Variants in PRORP observed in about 807,000 individuals in gnomAD.
PRORP encodes the protein mitochondrial ribonuclease P catalytic subunit.
A neutral mutation model predicts 59.4 loss-of-function variants in PRORP; 51 were observed. The ratio of observed to expected loss-of-function variants is 0.86; its 90% confidence interval spans 0.69 to 1.08. PRORP has a LOEUF of 1.08. Ranked by LOEUF, PRORP falls within the 50% of genes least tolerant of loss-of-function variation. PRORP has a pLI of 0.00. For synonymous variants in PRORP, 231 were observed against 245.6 expected (o/e 0.94, Z 0.55); for missense variants, 646 against 690.3 (o/e 0.94, Z 0.72).
At chr14:35,125,769 C>G (rs1201383529) in intron 2 of PRORP, among the ~76,000 whole-genome samples, 1 of 152,192 alleles carries the variant, frequency 6.6e-6, no homozygotes, top group Admixed American at 6.5e-5. Context: ...CGCCTGTAAT[C>G]TGAGCACTTT....
intron 5 of PRORP, among the ~76,000 whole-genome samples, chr14:35,239,812 T>C (rs749939538): frequency 2.0e-5 from 3 of 152,186 alleles, no homozygotes; most frequent in Non-Finnish European, 4.4e-5. Flanking sequence ...CGGTGCCCCA[T>C]GCTTGTAATC....
Position 35,136,376 on chromosome 14 carries a change from T to C in PRORP, c.1167+8765T>C, listed in dbSNP as rs186934052. Among the ~76,000 whole-genome samples the C allele has an allele frequency of 1.0e-3, 156 of 152,060 alleles. 1 individual carries two copies. Among genetic ancestry groups the C allele is most frequent in the African/African-American group, 3.6e-3 (148 of 41,518 alleles). ...TATCCGACAACGGGTTTTTTTGTTT[T>C]TTTGGTTTTTTTTTTGAAACAGAGT... On this transcript the variant is annotated intron_variant, in intron 4 of 7. Coordinates refer to ENST00000534898, the MANE Select transcript of PRORP (RefSeq NM_014672.4).
At chr14:35,142,071 G>A (rs2047492667) in intron 4 of PRORP, among the ~76,000 whole-genome samples, 1 of 144,848 alleles carries the variant, frequency 6.9e-6, no homozygotes, top group Non-Finnish European at 1.5e-5. Context: ...TGGAGACAGG[G>A]TTTCACCATG....
intron 5 of PRORP, among the ~76,000 whole-genome samples, chr14:35,230,929 G>A (rs2050060903): frequency 2.3e-5 from 3 of 132,416 alleles, no homozygotes; most frequent in East Asian, 2.2e-4. Context: ...TGTAAAGACA[G>A]GAAAAGAGAA....
intron 5 of PRORP, among the ~76,000 whole-genome samples, chr14:35,197,261 GT>G (rs1418530993): frequency 1.3e-5 from 2 of 152,048 alleles, no homozygotes; most frequent in Non-Finnish European, 2.9e-5. Flanking sequence ...CCATCACAGT[GT>G]TTTAAAACAC....
At chr14:35,132,453 C>T (rs2047268335) in intron 4 of PRORP, among the ~76,000 whole-genome samples, 2 of 148,364 alleles carry the variant, frequency 1.3e-5, no homozygotes, top group Non-Finnish European at 3.0e-5. Context: ...AGCAAATCTC[C>T]ATCTCAAAAA....
chr14:35,156,412 C>T (rs943946027), intron 4 of PRORP, among the ~76,000 whole-genome samples: 28 of 152,176 alleles, frequency 1.8e-4, no homozygotes, highest in African/African-American at 9.7e-5. Context: ...ATTGAGCTAC[C>T]TACAGGGCTA....
rs376704450 is a variant in PRORP at position 35,123,284 on chromosome 14, G to C, written c.39G>C (p.Lys13Asn). 6.2e-7 allele frequency: 1 copy of C among 1,612,988 alleles called. No individual in the cohort carries two copies. The part of the protein sequence containing the change: ...FYLFGIRSFP[K>N]LWKSPYLGLG... ...TGTTTGGTATTCGAAGCTTTCCGAA[G>C]CTTTGGAAGAGCCCATACCTTGGGC... Residue 13 changes from lysine to asparagine, a missense_variant, in exon 2 of 8, where the codon AAG becomes AAC. Coordinates refer to ENST00000534898, the MANE Select transcript of PRORP (RefSeq NM_014672.4).
At chr14:35,165,496 T>C (rs567000820) in intron 4 of PRORP, among the ~76,000 whole-genome samples, 1 of 152,340 alleles carries the variant, frequency 6.6e-6, no homozygotes, top group East Asian at 1.9e-4. Context: ...GAATTTTTGT[T>C]TCTTAATAGC....
At chr14:35,227,219 G>A (rs1455211450) in intron 5 of PRORP, among the ~76,000 whole-genome samples, 1 of 151,646 alleles carries the variant, frequency 6.6e-6, no homozygotes, top group Non-Finnish European at 1.5e-5. Context: ...CGAGGTGGGT[G>A]GATCACGAGG....
At chr14:35,208,698 C>T (rs1595308167) in intron 5 of PRORP, among the ~76,000 whole-genome samples, 2 of 144,212 alleles carry the variant, frequency 1.4e-5, no homozygotes, top group East Asian at 2.0e-4. Context: ...GGTGAAAACC[C>T]GTCTCTACTA....
chr14:35,160,809 A>G (rs916177440), intron 4 of PRORP, among the ~76,000 whole-genome samples: 1 of 152,222 alleles, frequency 6.6e-6, no homozygotes, highest in Non-Finnish European at 1.5e-5. Context: ...GCACATTGTA[A>G]AGCATAAAGT....
intron 5 of PRORP, among the ~76,000 whole-genome samples, chr14:35,241,380 A>G (rs964647746): frequency 6.6e-6 from 1 of 151,766 alleles, no homozygotes; most frequent in Non-Finnish European, 1.5e-5. Context: ...TCCGTCTCAA[A>G]AAAAAAAAAA....
intron 5 of PRORP, among the ~76,000 whole-genome samples, chr14:35,223,371 A>G (rs2049842810): frequency 6.6e-6 from 1 of 152,090 alleles, no homozygotes; most frequent in African/African-American, 2.4e-5. Context: ...TATCACTAGA[A>G]TAGAACATAC....
chr14:35,179,962 C>G (rs1294958173), intron 4 of PRORP, among the ~76,000 whole-genome samples: 3 of 152,210 alleles, frequency 2.0e-5, no homozygotes, highest in African/African-American at 7.2e-5. Flanking sequence ...AGTCAGGACC[C>G]TCAGCTGCAG....
chr14:35,274,217 A>C lies in PRORP; in HGVS notation c.*651A>C, dbSNP rs931546443. On this transcript the variant is annotated 3_prime_UTR_variant, in exon 8 of 8. Transcript: ENST00000534898. ...GGCTGGAGTGCAGTGACGTGATCAC[A>C]GTTCACTGCAGCCTCAAACTCCCAG... The C allele has an allele frequency of 2.0e-5, 3 of 152,058 alleles. No homozygotes were observed. Among genetic ancestry groups the C allele is most frequent in the Admixed American group, 6.6e-5 (1 of 15,248 alleles). 9.4% of individuals were successfully genotyped at this position (152,058 alleles called of 1,614,324 possible). A position where few individuals can be genotyped will look rare whatever the true frequency, so the allele number is the denominator to read the frequency against.
intron 5 of PRORP, among the ~76,000 whole-genome samples, chr14:35,190,610 A>G (rs988389643): frequency 1.3e-5 from 2 of 151,806 alleles, no homozygotes; most frequent in African/African-American, 4.8e-5. Flanking sequence ...AGTTCAAGCA[A>G]TTCTCCTGCC....
intron 5 of PRORP, chr14:35,235,507 C>CA: frequency 1.7e-6 from 1 of 606,002 alleles, no homozygotes; most frequent in Non-Finnish European, 3.1e-6. Context: ...CATGTGCAGT[C>CA]ACCACCAGCT....
At position 35,124,225 on chromosome 14, in the gene PRORP, T is replaced by A. The variant is rs1234454422; in HGVS notation, c.980T>A (p.Phe327Tyr). The change falls in exon 2 of 8, where the codon TTT (phenylalanine) becomes TAT (tyrosine). Residue 327 changes from phenylalanine (F) to tyrosine (Y), a missense_variant. Transcript: ENST00000534898. The stretch of plus-strand genomic sequence containing the variant: ...TTTGCACACAGTATAAAAACATGGT[T>A]TGAGAGGTAATTTTGGTTTTTTTAT... ...ESFAHSIKTWFESVPGKQWKG... is the reference protein window; with the variant it reads ...ESFAHSIKTWYESVPGKQWKG... 6.5e-7 allele frequency: 1 copy of A among 1,527,912 alleles called. No individual in the cohort carries two copies. The highest frequency in any genetic ancestry group is 8.8e-7 in the Non-Finnish European group (1 of 1,142,434). The allele number at this position is 1,527,912 out of a possible 1,614,324, so 94.6% of individuals were successfully genotyped here.
Sources: gnomAD v4.1 joint callset for allele counts (sites outside exome capture counted in the v4.1 genomes callset) on GRCh38, gnomAD v4.1.1 for gene constraint, MANE v1.5 for transcripts, NCBI Gene and HGNC (gene_info 2026-07-23, HGNC 2026-07-21) for gene names.